CEP89: variants seen among roughly 807,000 people sequenced by gnomAD.
The protein encoded by CEP89 is centrosomal protein of 89 kDa.
CEP89 carries 95 observed loss-of-function variants against 97.6 expected under a neutral mutation model. The observed-to-expected ratio is 0.97, with a 90% CI of 0.82 to 1.15. The LOEUF (loss-of-function observed/expected upper bound fraction) is 1.15. Ranked by LOEUF, CEP89 falls within the 50% of genes most tolerant of loss-of-function variation. The pLI is 0.00. For synonymous variants in CEP89, 354 were observed against 349.1 expected (o/e 1.01, Z -0.16); for missense variants, 869 against 947.7 (o/e 0.92, Z 1.09).
chr19:32,907,817 C>T (rs866388428), intron 14 of CEP89, among the ~76,000 whole-genome samples: 52 of 152,264 alleles, frequency 3.4e-4, no homozygotes, highest in Middle Eastern at 6.8e-3. Flanking sequence ...GAACTCCTGA[C>T]CTCAACTGAT....
intron 14 of CEP89, among the ~76,000 whole-genome samples, chr19:32,908,115 G>A (rs929338606): frequency 5.9e-5 from 9 of 152,192 alleles, no homozygotes; most frequent in Non-Finnish European, 8.8e-5. Context: ...ACACAATGAC[G>A]AAATCACTTA....
At chr19:32,925,485 CTTTTTTT>C (rs67751450) in intron 11 of CEP89, among the ~76,000 whole-genome samples, 3 of 120,128 alleles carry the variant, frequency 2.5e-5, no homozygotes, top group African/African-American at 3.4e-5. Context: ...CCAAATAGCC[CTTTTTTT>C]TTTTTTTTTT....
At chr19:32,967,346 A>G (rs898790873) in intron 1 of CEP89, among the ~76,000 whole-genome samples, 5 of 152,306 alleles carry the variant, frequency 3.3e-5, no homozygotes, top group African/African-American at 1.2e-4. Context: ...TCTTGGCACG[A>G]GCCATTCATT....
At chr19:32,929,228 C>T (rs945617283) in intron 9 of CEP89, among the ~76,000 whole-genome samples, 4 of 152,020 alleles carry the variant, frequency 2.6e-5, no homozygotes, top group African/African-American at 9.7e-5. Context: ...CACAAATGTA[C>T]GTGATATACA....
At chr19:32,939,955 A>G (rs375280314) in intron 5 of CEP89, 70 bp from the exon 6 acceptor site, 5 of 749,556 alleles carry the variant, frequency 6.7e-6, no homozygotes, top group Non-Finnish European at 1.1e-5. Flanking sequence ...CAGAAAGTAC[A>G]ATCATAGAAA....
intron 2 of CEP89, among the ~76,000 whole-genome samples, chr19:32,961,578 C>CAAAAAA (rs1193124918): frequency 1.6e-5 from 1 of 62,306 alleles, no homozygotes; most frequent in African/African-American, 6.2e-5. Context: ...GACTCCATCT[C>CAAAAAA]AAAAAAAAAA....
chr19:32,971,800 C>G (rs1971418738), intron 1 of CEP89, 36 bp downstream of exon 1: 2 of 1,579,530 alleles, frequency 1.3e-6, no homozygotes. Flanking sequence ...CCCGGCCCCA[C>G]AGAGCCCCAC....
intron 5 of CEP89, among the ~76,000 whole-genome samples, chr19:32,944,552 G>A (rs1384019083): frequency 6.6e-6 from 1 of 152,158 alleles, no homozygotes; most frequent in Admixed American, 6.5e-5. Flanking sequence ...GTCCAGTGGT[G>A]CGATGGGGAG....
rs118021553 is a variant in CEP89 at position 32,926,613 on chromosome 19, G to A, written c.1080+321C>T. ...TTCCCACTCTGCCGCCCAGGCTCGC[G>A]TGCAGTGGCACGATCTCAGCTCACT... On this transcript the variant is annotated intron_variant, in intron 10 of 18. Transcript: ENST00000305768. 3.9e-3 allele frequency among the ~76,000 whole-genome samples: 589 copies of A among 152,306 alleles called. 10 individuals are homozygous for A. The East Asian group carries it at 0.042, about 11-fold the overall frequency.
intron 14 of CEP89, among the ~76,000 whole-genome samples, chr19:32,911,931 T>G (rs767195458): frequency 6.6e-6 from 1 of 152,008 alleles, no homozygotes; most frequent in Non-Finnish European, 1.5e-5. Flanking sequence ...CTTGGAAATA[T>G]AAAAACATAC....
intron 4 of CEP89, among the ~76,000 whole-genome samples, chr19:32,949,680 G>T (rs1300336175): frequency 6.6e-6 from 1 of 152,028 alleles, no homozygotes; most frequent in Non-Finnish European, 1.5e-5. Flanking sequence ...CACTGCACTC[G>T]ACCTGAACCA....
chr19:32,967,708 G>A (rs969953336), intron 1 of CEP89, among the ~76,000 whole-genome samples: 1 of 152,206 alleles, frequency 6.6e-6, no homozygotes, highest in African/African-American at 2.4e-5. Context: ...ATGCCCACTG[G>A]TCCCACATTT....
intron 13 of CEP89, among the ~76,000 whole-genome samples, chr19:32,916,735 GC>G (rs1228381337): frequency 6.6e-6 from 1 of 152,140 alleles, no homozygotes; most frequent in Non-Finnish European, 1.5e-5. Context: ...TGGTGGCTGG[GC>G]ACAGTGGCTC....
chr19:32,911,141 G>A (rs1299034136), intron 14 of CEP89, among the ~76,000 whole-genome samples: 1 of 152,168 alleles, frequency 6.6e-6, no homozygotes, highest in African/African-American at 2.4e-5. Context: ...ACATCACTAA[G>A]TGATAGGAAT....
intron 16 of CEP89, among the ~76,000 whole-genome samples, chr19:32,892,682 A>G (rs1416787604): frequency 3.3e-5 from 5 of 151,890 alleles, no homozygotes; most frequent in African/African-American, 7.2e-5. Context: ...AAAAGAAAAA[A>G]AAAAAAAAAA....
chr19:32,953,881 T>G, intron 3 of CEP89, 80 bp from the exon 4 acceptor site: 1 of 1,101,190 alleles, frequency 9.1e-7, no homozygotes, highest in Non-Finnish European at 1.3e-6. Context: ...TTTTTTTTTT[T>G]TTTTTGAGGT....
rs1971309334 is a variant in CEP89 at position 32,967,505 on chromosome 19, T to TA, written c.40-1040_40-1039insT. ...CCGGGAGAAAGGCTCTCACTAAAAA[T>TA]GAAAAAAAAAAAAAAGAGCATCAAT... On this transcript the variant is annotated intron_variant, in intron 1 of 18. Transcript: ENST00000305768. Among the ~76,000 whole-genome samples, 49 of 87,440 alleles carry TA rather than the reference T, an allele frequency of 5.6e-4. No individual in the cohort carries two copies. The Admixed American group carries it at 5.9e-3, about 11-fold the overall frequency. 57.4% of individuals were successfully genotyped at this position (87,440 alleles called of 152,430 possible).
In CEP89 at chr19:32,908,036, C is replaced by T. The variant is rs116988190; in HGVS notation, c.1566-6624G>A. On this transcript the variant is annotated intron_variant, in intron 14 of 18. Transcript: ENST00000305768. Reference sequence around the variant, plus strand: ...GTTTGTAGCCTAGGAGCAAACAGCTCCACCATCTAGCCTCTGTGTGCAGGA... The same window carrying T: ...GTTTGTAGCCTAGGAGCAAACAGCTTCACCATCTAGCCTCTGTGTGCAGGA... Among the ~76,000 whole-genome samples the T allele has an allele frequency of 4.7e-3, 697 of 149,420 alleles. 3 individuals are homozygous for T. Among genetic ancestry groups the T allele is most frequent in the Non-Finnish European group, 7.6e-3 (507 of 66,324 alleles).
chr19:32,931,098 C>G, intron 9 of CEP89: 1 of 362,884 alleles, frequency 2.8e-6, no homozygotes, highest in Non-Finnish European at 4.9e-6. Flanking sequence ...CCATGTCCCC[C>G]AGGATGGTCT....
Sources: gnomAD v4.1 joint callset for allele counts (sites outside exome capture counted in the v4.1 genomes callset) on GRCh38, gnomAD v4.1.1 for gene constraint, MANE v1.5 for transcripts, NCBI Gene and HGNC (gene_info 2026-07-23, HGNC 2026-07-21) for gene names.